The following HSP90B1 variants were observed in gnomAD, a reference collection of about 807,000 sequenced individuals.
The protein encoded by HSP90B1 is endoplasmin.
Under a neutral mutation model 100.4 loss-of-function variants are expected in HSP90B1, and 27 were observed. The observed-to-expected ratio is 0.27, with a 90% CI of 0.20 to 0.37. HSP90B1 has a LOEUF of 0.37. Ranked by LOEUF, HSP90B1 falls within the 10% of genes least tolerant of loss-of-function variation. The pLI, the probability that HSP90B1 is intolerant of heterozygous loss-of-function variation, is 1.00. For synonymous variants in HSP90B1, 304 were observed against 330.8 expected (o/e 0.92, Z 0.88); for missense variants, 678 against 960.5 (o/e 0.71, Z 3.89).
intron 8 of HSP90B1, 94 bp from the exon 9 acceptor site, chr12:103,941,316 C>A: frequency 2.3e-6 from 3 of 1,311,854 alleles, no homozygotes; most frequent in Non-Finnish European, 3.1e-6. Flanking sequence ...TAGTTAATTG[C>A]TAAACTGAAT....
intron 5 of HSP90B1, among the ~76,000 whole-genome samples, chr12:103,936,853 G>A (rs1437503): frequency 0.043 from 6,508 of 152,170 alleles, 247 homozygotes; most frequent in South Asian, 0.095. Context: ...GAGACCAGGG[G>A]CCTAGTCACT....
chr12:103,946,546 AAAG>A lies in HSP90B1; in HGVS notation c.2028-69_2028-67del, dbSNP rs561746101. ...CCAAGAGTTGTTCTGTGTAATTATG[AAAG>A]AATAAGGGAAACGTATGAACCCTAA... On this transcript the variant is annotated intron_variant, in intron 14 of 17. Coordinates refer to ENST00000299767, the MANE Select transcript of HSP90B1 (RefSeq NM_003299.3). The A allele has an allele frequency of 6.0e-5, 66 of 1,103,568 alleles. No homozygotes were observed. In the African/African-American group the frequency reaches 9.2e-4, roughly 15 times the overall value. 68.4% of individuals were successfully genotyped at this position (1,103,568 alleles called of 1,614,324 possible).
chr12:103,931,795 GA>G lies in HSP90B1; in HGVS notation c.152+176del. The G allele has an allele frequency of 1.5e-5, 10 of 664,498 alleles. No homozygotes were observed. The South Asian group carries it at 1.5e-4, about 10-fold the overall frequency. The allele number at this position is 664,498 out of a possible 1,614,324, so 41.2% of individuals were successfully genotyped here. On this transcript the variant is annotated intron_variant, in intron 2 of 17. Transcript: ENST00000299767. ...CTCCTAACTTGTCCCTAGGAGTGAT[GA>G]AAACTGAGTGAATTCCTTTGAAAAC...
At chr12:103,934,659 G>A (rs1745167068) in intron 5 of HSP90B1, among the ~76,000 whole-genome samples, 1 of 152,218 alleles carries the variant, frequency 6.6e-6, no homozygotes, top group South Asian at 2.1e-4. Flanking sequence ...GATGAACAGA[G>A]TTCTTTTCGG....
Position 103,930,654 on chromosome 12 carries a change from T to TC in HSP90B1, c.49+93dup. ...GGGGCGTTGAACGTGGGAGGGGGGA[T>TC]CCCGGGGCCTGCGGTGGGCCAAGGG... On this transcript the variant is annotated intron_variant, in intron 1 of 17. Coordinates refer to ENST00000299767, the MANE Select transcript of HSP90B1 (RefSeq NM_003299.3). The surrounding 1 kb of genome is among the most constrained non-coding windows in gnomAD (Gnocchi z 4.4). 7.6e-7 allele frequency: 1 copy of TC among 1,312,392 alleles called. No homozygotes were observed. The highest frequency in any genetic ancestry group is 1.3e-5 in the South Asian group (1 of 75,622). 81.3% of individuals were successfully genotyped at this position (1,312,392 alleles called of 1,614,324 possible). A position where few individuals can be genotyped will look rare whatever the true frequency, so the allele number is the denominator to read the frequency against.
At chr12:103,940,615 A>C (rs1870049315) in intron 8 of HSP90B1, among the ~76,000 whole-genome samples, 1 of 152,198 alleles carries the variant, frequency 6.6e-6, no homozygotes. Context: ...TAGTGTCTAT[A>C]AACTTACTTC....
intron 14 of HSP90B1, 81 bp from the exon 15 acceptor site, chr12:103,946,537 G>T: frequency 1.0e-6 from 1 of 981,688 alleles, no homozygotes; most frequent in Non-Finnish European, 1.6e-6. Flanking sequence ...GTTGTTCTGT[G>T]TAATTATGAA....
intron 2 of HSP90B1, 142 bp downstream of exon 2, chr12:103,931,765 CA>C (rs1447767503): frequency 1.4e-6 from 1 of 696,374 alleles, no homozygotes; most frequent in Admixed American, 2.0e-5. Flanking sequence ...TGTGTGCATA[CA>C]TACCTCCTAA....
intron 4 of HSP90B1, among the ~76,000 whole-genome samples, chr12:103,933,205 G>C (rs973614419): frequency 2.6e-5 from 4 of 152,230 alleles, no homozygotes; most frequent in Admixed American, 1.3e-4. Context: ...TTTTAACAGA[G>C]AACATAAATC....
Position 103,933,935 on chromosome 12 carries a change from TGGTTCTTGTC to T in HSP90B1, c.412-20_412-11del. The stretch of plus-strand genomic sequence containing the variant: ...AATGTAAATATTAAATACAACTATC[TGGTTCTTGTC>T]TTGCATTTAGTGTGATAAGGAGAAG... On this transcript the variant is annotated splice_polypyrimidine_tract_variant and intron_variant, in intron 4 of 17. Coordinates refer to ENST00000299767, the MANE Select transcript of HSP90B1 (RefSeq NM_003299.3). 6.3e-7 allele frequency: 1 copy of T among 1,579,308 alleles called. No homozygotes were observed. Among genetic ancestry groups the T allele is most frequent in the Admixed American group, 1.7e-5 (1 of 58,734 alleles).
chr12:103,944,317 G>A (rs762644892), intron 14 of HSP90B1, among the ~76,000 whole-genome samples: 10 of 152,052 alleles, frequency 6.6e-5, no homozygotes, highest in African/African-American at 2.2e-4. Flanking sequence ...TAAAGTAGAC[G>A]GTACAGGACC....
In HSP90B1 at chr12:103,943,108, A is replaced by G. The variant is rs945371051; in HGVS notation, c.1679A>G (p.Lys560Arg). 6.2e-7 allele frequency: 1 copy of G among 1,614,132 alleles called. No homozygotes were observed. The highest frequency in any genetic ancestry group is 8.5e-7 in the Non-Finnish European group (1 of 1,179,990). The change falls in exon 13 of 18, where the codon AAA becomes AGA. Residue 560 changes from lysine to arginine, a missense_variant. Lys to Arg is a conservative substitution (Grantham distance 26, BLOSUM62 2). Transcript: ENST00000299767. This position sits in a 1 kb window ranked among gnomAD's most constrained non-coding sequence, Gnocchi z 5.3. ...ESSPFVERLL[K>R]KGYEVIYLTE... is the part of the protein sequence containing the mutation. ...TCTCCATTTGTTGAGCGACTTCTGA[A>G]AAAGGGCTATGAAGTTATTTACCTC...
intron 5 of HSP90B1, among the ~76,000 whole-genome samples, chr12:103,937,213 T>TGCCC (rs1401219710): frequency 6.6e-6 from 1 of 152,242 alleles, no homozygotes; most frequent in Non-Finnish European, 1.5e-5. Flanking sequence ...AAGTCACATG[T>TGCCC]GCCCAGTGGC....
rs1870264007 is a variant in HSP90B1 at position 103,947,302 on chromosome 12, TGTG to T, written c.2263-8_2263-6del. ...AAGGCATTAATGGGCCCATAAATGTTGTGTTTAGGTGGAAGAAGAGCCCGAAGA... is the reference window on the plus strand; with the variant it reads ...AAGGCATTAATGGGCCCATAAATGTTTTTAGGTGGAAGAAGAGCCCGAAGA... On this transcript the variant is annotated splice_region_variant and splice_polypyrimidine_tract_variant and intron_variant, in intron 16 of 17. Coordinates refer to ENST00000299767, the MANE Select transcript of HSP90B1 (RefSeq NM_003299.3). 2 of 1,578,178 alleles carry T rather than the reference TGTG, an allele frequency of 1.3e-6. No homozygotes were observed. The highest frequency in any genetic ancestry group is 1.7e-6 in the Non-Finnish European group (2 of 1,168,068).
chr12:103,931,033 G>A (rs932017470), intron 1 of HSP90B1, among the ~76,000 whole-genome samples: 1 of 152,212 alleles, frequency 6.6e-6, no homozygotes, highest in Non-Finnish European at 1.5e-5. Context: ...CAGTGTCAGC[G>A]TGTTTGATTC....
chr12:103,944,814 A>C (rs900855264), intron 14 of HSP90B1, among the ~76,000 whole-genome samples: 1 of 152,166 alleles, frequency 6.6e-6, no homozygotes, highest in African/African-American at 2.4e-5. Flanking sequence ...GCGGCCTCCC[A>C]AAGTGCTGGG....
At chr12:103,940,250 C>T (rs1047798255) in intron 8 of HSP90B1, among the ~76,000 whole-genome samples, 4 of 151,944 alleles carry the variant, frequency 2.6e-5, no homozygotes, top group Non-Finnish European at 5.9e-5. Context: ...TTAATATAAT[C>T]TTTAAAGAGC....
chr12:103,943,562 T>G lies in HSP90B1; in HGVS notation c.1891-176T>G. ...GTATTTAAACTTCTGACTAGAAAAT[T>G]CAGATTATCAAGTAAGTGCCCCTAC... On this transcript the variant is annotated intron_variant, in intron 13 of 17. Transcript: ENST00000299767. The surrounding 1 kb of genome is among the most constrained non-coding windows in gnomAD (Gnocchi z 5.3). The G allele has an allele frequency of 1.4e-6, 1 of 718,874 alleles. No homozygotes were observed. Among genetic ancestry groups the G allele is most frequent in the Non-Finnish European group, 2.2e-6 (1 of 454,294 alleles). 44.5% of individuals were successfully genotyped at this position (718,874 alleles called of 1,614,324 possible).
intron 12 of HSP90B1, 137 bp from the exon 13 acceptor site, chr12:103,942,937 C>G: frequency 7.0e-7 from 1 of 1,419,160 alleles, no homozygotes; most frequent in East Asian, 2.3e-5. Context: ...ACAGGAAGGT[C>G]ATTTATATTC....
Sources: gnomAD v4.1 joint callset for allele counts (sites outside exome capture counted in the v4.1 genomes callset) on GRCh38, gnomAD v4.1.1 for gene constraint, Gnocchi (gnomAD v3.1) non-coding constraint, MANE v1.5 for transcripts, NCBI Gene and HGNC (gene_info 2026-07-23, HGNC 2026-07-21) for gene names.